KAZN: variants seen among roughly 807,000 people sequenced by gnomAD.
KAZN encodes the protein kazrin.
KAZN carries 40 observed loss-of-function variants against 87.4 expected under a neutral mutation model. That is an observed-to-expected ratio of 0.46 (90% CI 0.36 to 0.60). The LOEUF is 0.60. KAZN is among the 20% of genes least tolerant of loss of function. The pLI, the probability that KAZN is intolerant of heterozygous loss-of-function variation, is 0.00. For missense variants in KAZN, 898 were observed against 1,073.9 expected, an observed-to-expected ratio of 0.84 and a Z score of 2.29; for synonymous variants, 466 against 458.3, an observed-to-expected ratio of 1.02 and a Z score of -0.22.
At chr1:13,915,384 T>C (rs1639809951) in intron 1 of KAZN, among the ~76,000 whole-genome samples, 1 of 152,252 alleles carries the variant, frequency 6.6e-6, no homozygotes, top group African/African-American at 2.4e-5. Flanking sequence ...AACATTAATA[T>C]ATTTGTCTTT....
intron 1 of KAZN, among the ~76,000 whole-genome samples, chr1:14,859,892 C>T (rs1448940783): frequency 1.3e-5 from 2 of 152,188 alleles, no homozygotes; most frequent in Non-Finnish European, 2.9e-5. Context: ...ACCATTCTCC[C>T]ATGAAGCCAC....
intron 1 of KAZN, among the ~76,000 whole-genome samples, chr1:14,069,782 A>T (rs993174171): frequency 6.6e-6 from 1 of 152,196 alleles, no homozygotes; most frequent in African/African-American, 2.4e-5. Flanking sequence ...CTGGATGTTT[A>T]TTCCTTATTA....
rs140885647 is a variant in KAZN, at chr1:14,896,312, C to A, written c.227-64372C>A. Reference sequence around the variant, plus strand: ...TCGTGATCCGCCTGCCTCGGCCTCCCAAAGCACTGGGATTACAGGCGTGAG... The same window carrying A: ...TCGTGATCCGCCTGCCTCGGCCTCCAAAAGCACTGGGATTACAGGCGTGAG... On this transcript the variant is annotated intron_variant, in intron 1 of 14. Transcript: ENST00000376030. 4.1e-3 allele frequency among the ~76,000 whole-genome samples: 631 copies of A among 152,244 alleles called. 26 individuals are homozygous for A. In the East Asian group the frequency reaches 0.061, roughly 15 times the overall value.
chr1:14,046,973 G>C (rs1459923223), intron 1 of KAZN, among the ~76,000 whole-genome samples: 1 of 152,166 alleles, frequency 6.6e-6, no homozygotes, highest in Admixed American at 6.5e-5. Flanking sequence ...GGGTGCCTGG[G>C]GCACCTTATG....
chr1:14,676,492 AG>A (rs1640228909), intron 1 of KAZN, among the ~76,000 whole-genome samples: 1 of 152,202 alleles, frequency 6.6e-6, no homozygotes. Context: ...CCTGCAGGGA[AG>A]GTTGTAAAGA....
chr1:14,505,998 T>C (rs999591898), intron 2 of KAZN, among the ~76,000 whole-genome samples: 1 of 151,916 alleles, frequency 6.6e-6, no homozygotes, highest in African/African-American at 2.4e-5. Context: ...TGGAGGTGAA[T>C]GGTGGTGATG....
chr1:14,558,745 G>C (rs1051510399), intron 2 of KAZN, among the ~76,000 whole-genome samples: 1 of 152,108 alleles, frequency 6.6e-6, no homozygotes, highest in Non-Finnish European at 1.5e-5. Flanking sequence ...GCTTTGATCC[G>C]CAGTTGTCTG....
intron 1 of KAZN, among the ~76,000 whole-genome samples, chr1:14,122,418 A>G (rs1013136581): frequency 1.3e-5 from 2 of 152,108 alleles, no homozygotes; most frequent in African/African-American, 4.8e-5. Context: ...GCCTTCTTGA[A>G]TGAGCACACT....
At chr1:14,775,150 A>G (rs905816383) in intron 1 of KAZN, among the ~76,000 whole-genome samples, 1 of 152,224 alleles carries the variant, frequency 6.6e-6, no homozygotes, top group Non-Finnish European at 1.5e-5. Context: ...AGCCTGGGAC[A>G]TTGGCAACCA....
At chr1:14,416,982 GTA>G (rs960454707) in intron 2 of KAZN, among the ~76,000 whole-genome samples, 16 of 135,286 alleles carry the variant, frequency 1.2e-4, no homozygotes, top group Admixed American at 4.1e-4. Flanking sequence ...GTATATATGT[GTA>G]TATATATGTG....
intron 1 of KAZN, among the ~76,000 whole-genome samples, chr1:13,935,283 G>T (rs2008665): frequency 0.79 from 119,024 of 151,226 alleles, 46,926 homozygotes; most frequent in South Asian, 0.93. Context: ...CTTCAGTACT[G>T]ACTAAGCATT....
intron 2 of KAZN, among the ~76,000 whole-genome samples, chr1:15,020,194 A>G (rs1020748925): frequency 1.3e-5 from 2 of 152,196 alleles, no homozygotes; most frequent in African/African-American, 4.8e-5. Flanking sequence ...GGGTTACCGC[A>G]TTCCCCACAC....
chr1:13,927,493 G>A (rs945106503), intron 1 of KAZN, among the ~76,000 whole-genome samples: 1 of 152,158 alleles, frequency 6.6e-6, no homozygotes, highest in Non-Finnish European at 1.5e-5. Context: ...ATCAGAGGTG[G>A]GTTAGGAGTT....
chr1:14,897,464 GC>G (rs1265220660), intron 1 of KAZN, among the ~76,000 whole-genome samples: 1 of 152,026 alleles, frequency 6.6e-6, no homozygotes, highest in African/African-American at 2.4e-5. Context: ...ACCCCAATAA[GC>G]TTTGGTTTAT....
chr1:14,103,729 G>GA (rs1644308930), intron 1 of KAZN, among the ~76,000 whole-genome samples: 1 of 152,126 alleles, frequency 6.6e-6, no homozygotes, highest in Non-Finnish European at 1.5e-5. Context: ...GGCTCACTTG[G>GA]ATAATCCAGG....
In KAZN at chr1:13,923,497, C is replaced by T. The variant is rs924495777; in HGVS notation, c.91+29741C>T. ...CTGAGGCAGGAGAATGGCGTGAACC[C>T]GGGAGGCGGAGCTTGCAGTGAGCCG... On this transcript the variant is annotated intron_variant, in intron 1 of 16. Transcript: ENST00000636203. Among the ~76,000 whole-genome samples the T allele has an allele frequency of 1.9e-4, 27 of 144,730 alleles. 1 individual carries two copies. In the South Asian group the frequency reaches 2.7e-3, roughly 14 times the overall value. 94.9% of individuals were successfully genotyped at this position (144,730 alleles called of 152,430 possible). A position where few individuals can be genotyped will look rare whatever the true frequency, so the allele number is the denominator to read the frequency against.
At chr1:14,230,176 G>C (rs1202428816) in intron 2 of KAZN, among the ~76,000 whole-genome samples, 1 of 152,206 alleles carries the variant, frequency 6.6e-6, no homozygotes, top group East Asian at 1.9e-4. Context: ...AGCAGTTCTA[G>C]AGCCTCCAGG....
chr1:14,188,175 G>GGA (rs149202680), intron 2 of KAZN, among the ~76,000 whole-genome samples: 57 of 142,682 alleles, frequency 4.0e-4, no homozygotes, highest in African/African-American at 1.3e-3. Context: ...ATCTGGGGAT[G>GGA]GAGAGAGAGA....
At chr1:14,493,872 T>C (rs1669806135) in intron 2 of KAZN, among the ~76,000 whole-genome samples, 1 of 152,222 alleles carries the variant, frequency 6.6e-6, no homozygotes, top group South Asian at 2.1e-4. Flanking sequence ...ATTCTGCAAC[T>C]GCAACTTTCA....
Sources: gnomAD v4.1 joint callset for allele counts (sites outside exome capture counted in the v4.1 genomes callset) on GRCh38, gnomAD v4.1.1 for gene constraint, MANE v1.5 for transcripts, NCBI Gene and HGNC (gene_info 2026-07-23, HGNC 2026-07-21) for gene names.